Variants in PGCKA1 observed in about 807,000 individuals in gnomAD.
The protein encoded by PGCKA1 is PDCD10 and GCKIII kinases-associated protein 1.
chr4:37,535,565 C>T, the PGCKA1 span, among the ~76,000 whole-genome samples: 1 of 152,232 alleles, frequency 6.6e-6, no homozygotes, highest in African/African-American at 2.4e-5. Flanking sequence ...TCCACCTCTA[C>T]CTGGATTTCT....
chr4:37,556,185 C>G, the PGCKA1 span, among the ~76,000 whole-genome samples: 1 of 152,138 alleles, frequency 6.6e-6, no homozygotes, highest in African/African-American at 2.4e-5. Flanking sequence ...GTCACATTCC[C>G]CTTGCCTAAA....
the PGCKA1 span, among the ~76,000 whole-genome samples, chr4:37,504,490 T>C: frequency 2.0e-5 from 3 of 152,196 alleles, no homozygotes; most frequent in Non-Finnish European, 2.9e-5. Context: ...TTGATAAGGA[T>C]TGCATTGAAT....
chr4:37,526,053 G>A, the PGCKA1 span, among the ~76,000 whole-genome samples: 1 of 152,158 alleles, frequency 6.6e-6, no homozygotes, highest in East Asian at 1.9e-4. Flanking sequence ...TGTTTATGAT[G>A]TAGTAAATTA....
chr4:37,590,502 G>A, the PGCKA1 span: 2 of 1,613,860 alleles, frequency 1.2e-6, no homozygotes, highest in Admixed American at 1.7e-5. Context: ...ACTGTGTGCT[G>A]CTGGCCTCAG....
the PGCKA1 span, among the ~76,000 whole-genome samples, chr4:37,553,451 G>A: frequency 6.6e-6 from 1 of 152,128 alleles, no homozygotes; most frequent in Non-Finnish European, 1.5e-5. Flanking sequence ...GTAGACACTT[G>A]TTTGATATAG....
the PGCKA1 span, among the ~76,000 whole-genome samples, chr4:37,531,645 C>G: frequency 6.6e-6 from 1 of 151,728 alleles, no homozygotes; most frequent in Non-Finnish European, 1.5e-5. Flanking sequence ...GTAATCCCAG[C>G]ACTTTGGGAG....
At chr4:37,523,350 TG>T in the PGCKA1 span, among the ~76,000 whole-genome samples, 1 of 152,022 alleles carries the variant, frequency 6.6e-6, no homozygotes, top group Non-Finnish European at 1.5e-5. Context: ...GCCATTGCTA[TG>T]GGGAGTGAGA....
the PGCKA1 span, among the ~76,000 whole-genome samples, chr4:37,517,966 T>A: frequency 6.6e-6 from 1 of 152,194 alleles, no homozygotes; most frequent in South Asian, 2.1e-4. Flanking sequence ...GTCTGTGAGT[T>A]CAATTGTTTT....
At chr4:37,488,768 G>C in the PGCKA1 span, among the ~76,000 whole-genome samples, 14 of 151,968 alleles carry the variant, frequency 9.2e-5, no homozygotes, top group Admixed American at 3.3e-4. Flanking sequence ...TTATCTCCCC[G>C]CTTTCCTCCG....
chr4:37,497,425 ACTT>A, the PGCKA1 span, among the ~76,000 whole-genome samples: 41 of 152,008 alleles, frequency 2.7e-4, no homozygotes, highest in Non-Finnish European at 5.4e-4. Context: ...TCGAATAATG[ACTT>A]CTTTTCTACT....
chr4:37,481,156 A>G, the PGCKA1 span, among the ~76,000 whole-genome samples: 4,748 of 152,300 alleles, frequency 0.031, 278 homozygotes, highest in African/African-American at 0.11. Flanking sequence ...TTAGCCTAAG[A>G]TGGGCTTTTT....
the PGCKA1 span, among the ~76,000 whole-genome samples, chr4:37,503,816 A>G: frequency 2.0e-5 from 3 of 151,936 alleles, no homozygotes; most frequent in Non-Finnish European, 2.9e-5. Flanking sequence ...TTTTTTTCCT[A>G]TGGAGTTGTT....
chr4:37,474,474 T>C, the PGCKA1 span, among the ~76,000 whole-genome samples: 2 of 152,180 alleles, frequency 1.3e-5, no homozygotes, highest in Admixed American at 6.5e-5. Flanking sequence ...GCCTACTACC[T>C]GGCAACTGTA....
the PGCKA1 span, among the ~76,000 whole-genome samples, chr4:37,483,615 A>C: frequency 6.6e-6 from 1 of 152,356 alleles, no homozygotes; most frequent in South Asian, 2.1e-4. Context: ...AGGATAAGGA[A>C]AAAGGAGCCA....
chr4:37,477,338 G>T, the PGCKA1 span, among the ~76,000 whole-genome samples: 1 of 152,292 alleles, frequency 6.6e-6, no homozygotes, highest in South Asian at 2.1e-4. Flanking sequence ...GCAAGGTCAA[G>T]ATTAGTCATA....
the PGCKA1 span, among the ~76,000 whole-genome samples, chr4:37,498,621 T>C: frequency 5.3e-5 from 8 of 152,218 alleles, no homozygotes; most frequent in African/African-American, 1.9e-4. Flanking sequence ...GTCTTTTGAC[T>C]CCTTTGTTAG....
the PGCKA1 span, among the ~76,000 whole-genome samples, chr4:37,543,844 AAG>A: frequency 1.3e-5 from 2 of 151,404 alleles, no homozygotes; most frequent in South Asian, 4.2e-4. Context: ...AAAAAAAAAA[AAG>A]AAGGCTGCTA....
At chr4:37,577,208 G>C in the PGCKA1 span, among the ~76,000 whole-genome samples, 3 of 152,032 alleles carry the variant, frequency 2.0e-5, no homozygotes, top group Non-Finnish European at 2.9e-5. Flanking sequence ...GAAGCTGTCA[G>C]GTCCCAAGTT....
chr4:37,516,364 C>T, the PGCKA1 span, among the ~76,000 whole-genome samples: 3 of 152,268 alleles, frequency 2.0e-5, no homozygotes, highest in South Asian at 2.1e-4. Context: ...CGATGTTTTC[C>T]GAAGTGTTTA....
Sources: allele counts gnomAD v4.1 joint callset (sites outside exome capture counted in the v4.1 genomes callset), GRCh38; gene constraint gnomAD v4.1.1; transcripts MANE v1.5; gene names NCBI Gene and HGNC (gene_info 2026-07-23, HGNC 2026-07-21).